RAI14: variants seen among roughly 807,000 people sequenced by gnomAD.
RAI14 encodes retinoic acid induced 14.
A neutral mutation model predicts 115.4 loss-of-function variants in RAI14; 45 were observed. That is an observed-to-expected ratio of 0.39 (90% confidence interval 0.31 to 0.50). RAI14 has a LOEUF of 0.50. RAI14 is among the 20% of genes least tolerant of loss of function. RAI14 has a pLI of 0.85. For synonymous variants in RAI14, 371 were observed against 415.4 expected, an observed-to-expected ratio of 0.89 and a Z score of 1.30; for missense variants, 939 against 1,131.2, an observed-to-expected ratio of 0.83 and a Z score of 2.44.
chr5:34,812,848 T>C (rs187978345), intron 10 of RAI14, among the ~76,000 whole-genome samples: 123 of 152,338 alleles, frequency 8.1e-4, no homozygotes, highest in African/African-American at 2.9e-3. Flanking sequence ...TAAATACTTG[T>C]AATATCACAT....
At chr5:34,781,318 A>G (rs1459574772) in intron 3 of RAI14, among the ~76,000 whole-genome samples, 1 of 152,150 alleles carries the variant, frequency 6.6e-6, no homozygotes, top group Non-Finnish European at 1.5e-5. Flanking sequence ...ACATGTATAC[A>G]TATGTAACAA....
chr5:34,766,955 T>C (rs1749462267), intron 3 of RAI14, among the ~76,000 whole-genome samples: 1 of 152,146 alleles, frequency 6.6e-6, no homozygotes, highest in African/African-American at 2.4e-5. Flanking sequence ...ATGGTTTTAG[T>C]AGGGGTTTCC....
intron 3 of RAI14, among the ~76,000 whole-genome samples, chr5:34,790,409 C>T (rs567139643): frequency 1.5e-4 from 23 of 152,316 alleles, no homozygotes; most frequent in African/African-American, 5.3e-4. Flanking sequence ...GCACAGCTTT[C>T]ATAAAAACAG....
chr5:34,719,370 C>T (rs1742381775), intron 2 of RAI14, among the ~76,000 whole-genome samples: 1 of 152,210 alleles, frequency 6.6e-6, no homozygotes. Flanking sequence ...AATCATACAG[C>T]ATCGCTTCTG....
intron 3 of RAI14, among the ~76,000 whole-genome samples, chr5:34,782,754 T>C (rs549028792): frequency 7.9e-5 from 12 of 152,358 alleles, no homozygotes; most frequent in Admixed American, 2.0e-4. Context: ...TCCTTATCAT[T>C]TCTACCATCT....
chr5:34,773,856 A>G (rs1336348983), intron 3 of RAI14, among the ~76,000 whole-genome samples: 2 of 152,226 alleles, frequency 1.3e-5, no homozygotes, highest in East Asian at 3.8e-4. Flanking sequence ...TCCTCAAAAA[A>G]TTAGAACTAC....
At chr5:34,660,573 C>T (rs1219356368) in intron 1 of RAI14, among the ~76,000 whole-genome samples, 1 of 152,182 alleles carries the variant, frequency 6.6e-6, no homozygotes, top group Non-Finnish European at 1.5e-5. Context: ...GGATTACTCA[C>T]CCAACCTCCT....
chr5:34,780,560 A>T (rs2150158731), intron 3 of RAI14, among the ~76,000 whole-genome samples: 1 of 152,368 alleles, frequency 6.6e-6, no homozygotes, highest in South Asian at 2.1e-4. Flanking sequence ...AAAGTGGGCA[A>T]AGGACATGAA....
chr5:34,824,794 A>G (rs1757271261), intron 15 of RAI14, among the ~76,000 whole-genome samples: 1 of 151,932 alleles, frequency 6.6e-6, no homozygotes, highest in South Asian at 2.1e-4. Flanking sequence ...AAATACAAAA[A>G]TTAGCTGGGC....
At chr5:34,685,847 TC>T (rs1216528787) in intron 1 of RAI14, 3 of 152,198 alleles carry the variant, frequency 2.0e-5, no homozygotes, top group Non-Finnish European at 4.4e-5. Context: ...ATAATTACAT[TC>T]CATTTCCAGG....
intron 3 of RAI14, among the ~76,000 whole-genome samples, chr5:34,774,042 A>G (rs1280097548): frequency 6.6e-6 from 1 of 152,140 alleles, no homozygotes; most frequent in Non-Finnish European, 1.5e-5. Flanking sequence ...CAAAGACTCC[A>G]CCACAAAACT....
At chr5:34,662,354 C>T (rs1742756333) in intron 1 of RAI14, among the ~76,000 whole-genome samples, 1 of 152,166 alleles carries the variant, frequency 6.6e-6, no homozygotes, top group Non-Finnish European at 1.5e-5. Context: ...ACTATTATAG[C>T]ACTAATGCAT....
chr5:34,817,969 A>T (rs1238401354), intron 12 of RAI14, among the ~76,000 whole-genome samples: 1 of 152,224 alleles, frequency 6.6e-6, no homozygotes, highest in Non-Finnish European at 1.5e-5. Context: ...ATTATACGTT[A>T]TATAGTGGAA....
chr5:34,679,872 G>A (rs1442009252), intron 1 of RAI14, among the ~76,000 whole-genome samples: 3 of 151,824 alleles, frequency 2.0e-5, no homozygotes, highest in Admixed American at 2.0e-4. Context: ...GCTAACCCGT[G>A]TCAGAGAGCT....
At chr5:34,715,656 C>T (rs766776512) in intron 2 of RAI14, among the ~76,000 whole-genome samples, 8 of 152,138 alleles carry the variant, frequency 5.3e-5, no homozygotes, top group Non-Finnish European at 7.3e-5. Context: ...TTCTGGCTTC[C>T]TATTCTTTCA....
intron 1 of RAI14, among the ~76,000 whole-genome samples, chr5:34,677,053 T>C (rs547510779): frequency 3.3e-5 from 5 of 152,244 alleles, no homozygotes; most frequent in African/African-American, 1.2e-4. Context: ...AAATAAGATT[T>C]ATAAGATAGT....
chr5:34,829,989 A>T, intron 17 of RAI14, 192 bp downstream of exon 17: 1 of 539,356 alleles, frequency 1.9e-6, no homozygotes, highest in Non-Finnish European at 3.3e-6. Flanking sequence ...TTTACCAGGA[A>T]CAGCCCCATC....
intron 12 of RAI14, among the ~76,000 whole-genome samples, chr5:34,816,692 T>C (rs763808392): frequency 2.0e-5 from 3 of 152,186 alleles, no homozygotes; most frequent in Non-Finnish European, 2.9e-5. Flanking sequence ...TACACATTAA[T>C]CTGAAACAGA....
At chr5:34,721,780 T>G (rs189486402) in intron 2 of RAI14, among the ~76,000 whole-genome samples, 1 of 152,260 alleles carries the variant, frequency 6.6e-6, no homozygotes, top group East Asian at 1.9e-4. Flanking sequence ...ATGGAATCTA[T>G]GCTCACTGCA....
Sources: allele counts gnomAD v4.1 joint callset (sites outside exome capture counted in the v4.1 genomes callset), GRCh38; gene constraint gnomAD v4.1.1; transcripts MANE v1.5; gene names NCBI Gene and HGNC (gene_info 2026-07-23, HGNC 2026-07-21).